Variants in POM121C observed in about 807,000 individuals in gnomAD.
The protein encoded by POM121C is POM121 transmembrane nucleoporin C, also known as nuclear envelope pore membrane protein POM 121C.
A neutral mutation model predicts 66.4 loss-of-function variants in POM121C; 20 were observed. The observed-to-expected ratio is 0.30, with a 90% CI of 0.21 to 0.44. POM121C has a LOEUF of 0.44. Among genes scored for constraint, POM121C ranks in the 20% least tolerant of loss-of-function variants. The pLI, the probability that POM121C is intolerant of heterozygous loss-of-function variation, is 1.00. For missense variants in POM121C, 580 were observed against 1,225.7 expected, an observed-to-expected ratio of 0.47 and a Z score of 7.87; for synonymous variants, 286 against 528.0, an observed-to-expected ratio of 0.54 and a Z score of 6.28.
chr7:75,425,512 G>C, intron 9 of POM121C, 123 bp downstream of exon 9: 1 of 963,260 alleles, frequency 1.0e-6, no homozygotes, highest in Non-Finnish European at 1.5e-6. Flanking sequence ...CTCTCTCTTT[G>C]TATCTAACAT....
chr7:75,462,201 G>A (rs1791468701), intron 3 of POM121C, among the ~76,000 whole-genome samples: 1 of 149,852 alleles, frequency 6.7e-6, no homozygotes, highest in African/African-American at 2.5e-5. Context: ...TGATAGTGAG[G>A]GAGTTCTCAC....
intron 3 of POM121C, among the ~76,000 whole-genome samples, chr7:75,447,072 T>A (rs1219944746): frequency 7.0e-6 from 1 of 142,172 alleles, no homozygotes; most frequent in Non-Finnish European, 1.5e-5. Flanking sequence ...ATCTCCAATG[T>A]CTGGCATCCT....
chr7:75,425,580 T>A (rs1789911651), intron 9 of POM121C, 55 bp downstream of exon 9: 1 of 1,522,462 alleles, frequency 6.6e-7, no homozygotes, highest in Non-Finnish European at 8.9e-7. Context: ...CTCTACATCC[T>A]CCACAAATAC....
At chr7:75,430,281 GTAA>G (rs1790115035) in intron 7 of POM121C, among the ~76,000 whole-genome samples, 1 of 152,106 alleles carries the variant, frequency 6.6e-6, no homozygotes, top group Admixed American at 6.6e-5. Context: ...AAGGGTAGGG[GTAA>G]AACAAAGACT....
chr7:75,439,309 ATAC>A, intron 5 of POM121C, 85 bp from the exon 6 acceptor site: 1 of 1,555,518 alleles, frequency 6.4e-7, no homozygotes, highest in Admixed American at 1.7e-5. Context: ...CTGGGACCTT[ATAC>A]TATCTCTATG....
Position 75,421,493 on chromosome 7 carries a change from C to A in POM121C, c.2743+16G>T. ...CAGTGTCCGGCCCGGTAGCCCAAGTCCACGCCCCTCCTTACCTCCAAACAC... is the reference window on the plus strand; with the variant it reads ...CAGTGTCCGGCCCGGTAGCCCAAGTACACGCCCCTCCTTACCTCCAAACAC... On this transcript the variant is annotated intron_variant, in intron 13 of 14. Coordinates refer to ENST00000615331, the MANE Select transcript of POM121C (RefSeq NM_001099415.3). 1 of 1,610,984 alleles carries A rather than the reference C, an allele frequency of 6.2e-7. No individual in the cohort carries two copies. Among genetic ancestry groups the A allele is most frequent in the South Asian group, 1.1e-5 (1 of 90,760 alleles).
At position 75,474,877 on chromosome 7, in the gene POM121C, C is replaced by T; in HGVS notation, c.-325G>A. On this transcript the variant is annotated 5_prime_UTR_variant, in exon 3 of 15. It removes an upstream start codon present in the reference 5' UTR. Transcript: ENST00000615331. ...TCCGAAGTACAAGATGTTGCCACCT[C>T]ATAAGCTGCATAACAGAAATGCTCC... 1.8e-6 allele frequency: 2 copies of T among 1,125,554 alleles called. No homozygotes were observed. The allele number at this position is 1,125,554 out of a possible 1,614,324, so 69.7% of individuals were successfully genotyped here. A position where few individuals can be genotyped will look rare whatever the true frequency, so the allele number is the denominator to read the frequency against.
chr7:75,427,156 T>G (rs1789975847), intron 7 of POM121C, among the ~76,000 whole-genome samples: 1 of 152,254 alleles, frequency 6.6e-6, no homozygotes, highest in African/African-American at 2.4e-5. Context: ...CCAGGCGTGG[T>G]GGCTCACGCC....
rs587627805 is a variant in POM121C at position 75,449,490 on chromosome 7, G to A, written c.-151-7843C>T. On this transcript the variant is annotated intron_variant, in intron 3 of 14. Transcript: ENST00000615331. ...TGCCATTCTCCTGCCTCAGCCTCCCGAGTAGCTGAGACTATAGGCGCCCGC... is the reference window on the plus strand; with the variant it reads ...TGCCATTCTCCTGCCTCAGCCTCCCAAGTAGCTGAGACTATAGGCGCCCGC... Among the ~76,000 whole-genome samples, 48 of 151,634 alleles carry A rather than the reference G, an allele frequency of 3.2e-4. No individual in the cohort carries two copies. In the South Asian group the frequency reaches 7.9e-3, roughly 25 times the overall value.
intron 3 of POM121C, among the ~76,000 whole-genome samples, chr7:75,443,411 GTTT>G (rs1484370006): frequency 6.6e-6 from 1 of 152,226 alleles, no homozygotes; most frequent in African/African-American, 2.4e-5. Flanking sequence ...GAACTGTATG[GTTT>G]GTGAATTATA....
intron 3 of POM121C, among the ~76,000 whole-genome samples, chr7:75,461,047 C>G (rs1342607702): frequency 6.6e-6 from 1 of 152,046 alleles, no homozygotes; most frequent in Admixed American, 6.6e-5. Context: ...ACCACACAAG[C>G]ACAAGGAAGA....
At chr7:75,466,217 A>C (rs2868111) in intron 3 of POM121C, among the ~76,000 whole-genome samples, 11,457 of 151,366 alleles carry the variant, frequency 0.076, 1,439 homozygotes, top group African/African-American at 0.26. Context: ...GCAATAAAAA[A>C]AAAAAAATCT....
intron 3 of POM121C, among the ~76,000 whole-genome samples, chr7:75,467,165 C>G (rs1791683093): frequency 6.6e-6 from 1 of 152,156 alleles, no homozygotes; most frequent in South Asian, 2.1e-4. Flanking sequence ...AATGCAGTGT[C>G]CCATATTACC....
chr7:75,472,494 CAG>C (rs1359554330), intron 3 of POM121C, among the ~76,000 whole-genome samples: 3 of 151,898 alleles, frequency 2.0e-5, no homozygotes, highest in African/African-American at 7.3e-5. Flanking sequence ...GCCTCAGTGA[CAG>C]AGTGAGACTC....
intron 3 of POM121C, among the ~76,000 whole-genome samples, chr7:75,468,200 T>C (rs587683336): frequency 5.5e-5 from 8 of 145,362 alleles, no homozygotes; most frequent in Admixed American, 1.4e-4. Flanking sequence ...AAACTGAGCC[T>C]CTCCTCTCAA....
intron 13 of POM121C, chr7:75,420,679 G>A (rs1295663758): frequency 6.6e-6 from 1 of 152,120 alleles, no homozygotes; most frequent in Non-Finnish European, 1.5e-5. Context: ...GCAAACAGAA[G>A]CCATGGGATC....
chr7:75,447,007 C>CAAAAAAA (rs60389539), intron 3 of POM121C, among the ~76,000 whole-genome samples: 1 of 53,530 alleles, frequency 1.9e-5, no homozygotes, highest in African/African-American at 8.2e-5. Flanking sequence ...GACTCCGTCT[C>CAAAAAAA]AAAAAAAAAA....
At chr7:75,441,222 C>T in intron 4 of POM121C, 107 bp from the exon 5 acceptor site, 1 of 1,515,278 alleles carries the variant, frequency 6.6e-7, no homozygotes. Context: ...TTTATACACT[C>T]ACAACAGTTC....
chr7:75,482,811 G>C (rs1215827763), intron 1 of POM121C, among the ~76,000 whole-genome samples: 26 of 152,132 alleles, frequency 1.7e-4, no homozygotes, highest in Non-Finnish European at 2.4e-4. Flanking sequence ...ATATCAGTTT[G>C]GAAGTAACGG....
Sources: allele counts gnomAD v4.1 joint callset (sites outside exome capture counted in the v4.1 genomes callset), GRCh38; gene constraint gnomAD v4.1.1; transcripts MANE v1.5; gene names NCBI Gene and HGNC (gene_info 2026-07-23, HGNC 2026-07-21).